Variants in ZYG11B observed in about 807,000 individuals in gnomAD.
ZYG11B encodes zyg-11 family member B, cell cycle regulator.
A neutral mutation model predicts 82.4 loss-of-function variants in ZYG11B; 36 were observed. The ratio of observed to expected loss-of-function variants is 0.44; its 90% CI spans 0.33 to 0.58. ZYG11B has a LOEUF of 0.58. ZYG11B is among the 20% of genes least tolerant of loss of function. The probability of loss-of-function intolerance (pLI) is 0.02; values close to 1 mark genes in which losing one functional copy is unlikely to be tolerated. For missense variants in ZYG11B, 552 were observed against 895.6 expected, an observed-to-expected ratio of 0.62 and a Z score of 4.90; for synonymous variants, 303 against 312.8, an observed-to-expected ratio of 0.97 and a Z score of 0.33.
chr1:52,778,580 A>G (rs1460163502), intron 3 of ZYG11B, among the ~76,000 whole-genome samples: 1 of 152,150 alleles, frequency 6.6e-6, no homozygotes, highest in Non-Finnish European at 1.5e-5. Context: ...ATAAATATCT[A>G]GTTGTTTCTC....
At chr1:52,796,471 GC>G in intron 7 of ZYG11B, 80 bp downstream of exon 7, 1 of 1,213,710 alleles carries the variant, frequency 8.2e-7, no homozygotes, top group Non-Finnish European at 1.2e-6. Flanking sequence ...AAAGCTGTGT[GC>G]CAGAAACATT....
chr1:52,819,367 C>A (rs1645261594), intron 13 of ZYG11B, among the ~76,000 whole-genome samples: 2 of 152,170 alleles, frequency 1.3e-5, no homozygotes, highest in South Asian at 4.1e-4. Flanking sequence ...TCTGAGGACT[C>A]CCAAATTTCT....
intron 2 of ZYG11B, among the ~76,000 whole-genome samples, chr1:52,760,479 G>A (rs112608976): frequency 0.012 from 1,846 of 151,748 alleles, 40 homozygotes; most frequent in African/African-American, 0.043. Context: ...ACAAAAAACT[G>A]GTAATATCAT....
intron 3 of ZYG11B, among the ~76,000 whole-genome samples, chr1:52,773,160 T>C (rs545463486): frequency 2.6e-5 from 4 of 152,166 alleles, no homozygotes; most frequent in African/African-American, 9.6e-5. Flanking sequence ...CAGTTGGATT[T>C]GGTAGAGCTT....
At chr1:52,782,042 G>A (rs1308217760) in intron 4 of ZYG11B, among the ~76,000 whole-genome samples, 3 of 151,858 alleles carry the variant, frequency 2.0e-5, no homozygotes, top group Non-Finnish European at 2.9e-5. Context: ...ATAAATGGAA[G>A]AATATAGGCT....
At chr1:52,738,299 C>T (rs1358602301) in intron 1 of ZYG11B, among the ~76,000 whole-genome samples, 5 of 152,142 alleles carry the variant, frequency 3.3e-5, no homozygotes, top group Admixed American at 1.3e-4. Context: ...CAGCCTCAGC[C>T]TCCTAAGTGG....
At chr1:52,811,848 G>A (rs997413254) in intron 10 of ZYG11B, among the ~76,000 whole-genome samples, 3 of 152,090 alleles carry the variant, frequency 2.0e-5, no homozygotes, top group African/African-American at 4.8e-5. Context: ...GGCTAACATG[G>A]TGAAACCCCG....
chr1:52,741,704 A>G (rs1248893557), intron 1 of ZYG11B, among the ~76,000 whole-genome samples: 1 of 152,160 alleles, frequency 6.6e-6, no homozygotes, highest in Non-Finnish European at 1.5e-5. Context: ...ATTCTGTGGT[A>G]ATAACATTTA....
chr1:52,753,387 GGTT>G (rs529081954), intron 1 of ZYG11B, among the ~76,000 whole-genome samples: 3 of 151,120 alleles, frequency 2.0e-5, no homozygotes, highest in African/African-American at 7.3e-5. Context: ...TATTGTCCAT[GGTT>G]GTTCTTCTTC....
intron 1 of ZYG11B, among the ~76,000 whole-genome samples, chr1:52,742,302 A>T (rs1276322618): frequency 6.6e-6 from 1 of 152,124 alleles, no homozygotes; most frequent in South Asian, 2.1e-4. Context: ...AAAACAAAAA[A>T]TTAGCCAGAC....
intron 8 of ZYG11B, among the ~76,000 whole-genome samples, chr1:52,800,364 G>A (rs1377389398): frequency 6.6e-6 from 1 of 151,756 alleles, no homozygotes; most frequent in African/African-American, 2.4e-5. Flanking sequence ...AGTAGAAAAA[G>A]ATGCTTATTT....
intron 1 of ZYG11B, among the ~76,000 whole-genome samples, chr1:52,749,967 T>A (rs1644507380): frequency 6.6e-6 from 1 of 152,250 alleles, no homozygotes; most frequent in South Asian, 2.1e-4. Context: ...TGAGGTGCAA[T>A]TCCCTGTAGT....
At position 52,803,227 on chromosome 1, in the gene ZYG11B, CACATATATATAT is replaced by C. The variant is rs1558140523; in HGVS notation, c.1695+1092_1695+1103del. Among the ~76,000 whole-genome samples, 197 of 68,936 alleles carry C rather than the reference CACATATATATAT, an allele frequency of 2.9e-3. 16 individuals are homozygous for C. The highest frequency in any genetic ancestry group is 0.019 in the African/African-American group (188 of 10,012). 45.2% of individuals were successfully genotyped at this position (68,936 alleles called of 152,430 possible). A position where few individuals can be genotyped will look rare whatever the true frequency, so the allele number is the denominator to read the frequency against. On this transcript the variant is annotated intron_variant, in intron 10 of 13. Coordinates refer to ENST00000294353, the MANE Select transcript of ZYG11B (RefSeq NM_024646.3). ...ATACACACACATATATATATATACACACATATATATATACACACACACATATATATATATATA... is the reference window on the plus strand; with the variant it reads ...ATACACACACATATATATATATACACACACACACACATATATATATATATA...
intron 1 of ZYG11B, among the ~76,000 whole-genome samples, chr1:52,732,242 G>A (rs1057325742): frequency 5.9e-5 from 9 of 152,210 alleles, no homozygotes; most frequent in Admixed American, 5.9e-4. Context: ...CCAAGCTTAT[G>A]CTTTTGAACC....
chr1:52,817,027 C>T (rs993127324), intron 13 of ZYG11B, among the ~76,000 whole-genome samples: 3 of 151,934 alleles, frequency 2.0e-5, no homozygotes, highest in Non-Finnish European at 4.4e-5. Context: ...GTCTCAAACT[C>T]CTGACCTCAG....
intron 1 of ZYG11B, among the ~76,000 whole-genome samples, chr1:52,727,076 G>T (rs929704067): frequency 6.6e-6 from 1 of 151,096 alleles, no homozygotes; most frequent in Admixed American, 6.6e-5. Flanking sequence ...AGTTTTCGCT[G>T]CTCTTCCTTG....
intron 10 of ZYG11B, among the ~76,000 whole-genome samples, chr1:52,810,580 A>G (rs1645174196): frequency 6.6e-6 from 1 of 152,180 alleles, no homozygotes; most frequent in African/African-American, 2.4e-5. Flanking sequence ...CCATCCAGTA[A>G]AGGACACTGA....
At chr1:52,772,616 C>A in intron 3 of ZYG11B, 1 of 1,184,500 alleles carries the variant, frequency 8.4e-7, no homozygotes, top group Non-Finnish European at 1.3e-6. Context: ...CCGACTGGGA[C>A]AGGCCCTTCT....
intron 7 of ZYG11B, 42 bp downstream of exon 7, chr1:52,796,433 T>C: frequency 6.8e-7 from 1 of 1,475,126 alleles, no homozygotes; most frequent in Non-Finnish European, 9.5e-7. Context: ...AGACAGCTGT[T>C]TCTCACTACA....
Sources: gnomAD v4.1 joint callset for allele counts (sites outside exome capture counted in the v4.1 genomes callset) on GRCh38, gnomAD v4.1.1 for gene constraint, MANE v1.5 for transcripts, NCBI Gene and HGNC (gene_info 2026-07-23, HGNC 2026-07-21) for gene names.